The following DLG5 variants were observed in gnomAD, a reference collection of about 807,000 sequenced individuals.
DLG5 encodes the protein disks large homolog 5.
Under a neutral mutation model 189.8 loss-of-function variants are expected in DLG5, and 48 were observed. The observed-to-expected ratio is 0.25, with a 90% CI of 0.20 to 0.32. The LOEUF is 0.32. Ranked by LOEUF, DLG5 falls within the 10% of genes least tolerant of loss-of-function variation. The pLI, the probability that DLG5 is intolerant of heterozygous loss-of-function variation, is 1.00. For missense variants in DLG5, 2,160 were observed against 2,544.7 expected (o/e 0.85, Z 3.25); for synonymous variants, 1,016 against 1,054.1 (o/e 0.96, Z 0.70).
chr10:77,872,586 G>A (rs906818714), intron 1 of DLG5, among the ~76,000 whole-genome samples: 2 of 152,114 alleles, frequency 1.3e-5, no homozygotes, highest in African/African-American at 4.8e-5. Flanking sequence ...AGCCTTGGAC[G>A]TCATTAAGGG....
At chr10:77,864,757 A>C (rs180688491) in intron 2 of DLG5, among the ~76,000 whole-genome samples, 1 of 152,364 alleles carries the variant, frequency 6.6e-6, no homozygotes, top group African/African-American at 2.4e-5. Context: ...CCTTTAAAGA[A>C]ATCCCCCACT....
At position 77,821,322 on chromosome 10, in the gene DLG5, G is replaced by T; in HGVS notation, c.3162C>A (p.Asp1054Glu). ...CGTGCATGGGCTCCCCGGGGTCCAC[G>T]TCAGGGGGCAGGGCGCTCGGGGGAC... ...STSPPSALPP[D>E]VDPGEPMHAS... Residue 1054 changes from aspartate (D) to glutamate (E), a missense_variant, in exon 15 of 32, where the codon GAC (aspartate) becomes GAA (glutamate). Physicochemically the swap from Asp to Glu is conservative, Grantham distance 45 (BLOSUM62 2). Transcript: ENST00000372391. 6.2e-7 allele frequency: 1 copy of T among 1,613,316 alleles called. No homozygotes were observed. The highest frequency in any genetic ancestry group is 8.5e-7 in the Non-Finnish European group (1 of 1,180,034).
chr10:77,856,815 T>C lies in DLG5; in HGVS notation c.451A>G (p.Ile151Val), dbSNP rs1409385024. The C allele has an allele frequency of 2.5e-6, 4 of 1,613,234 alleles. No homozygotes were observed. Among genetic ancestry groups the C allele is most frequent in the African/African-American group, 1.3e-5 (1 of 74,910 alleles). ...TCCCGGGTCATCAGCCGCAGCTGAA[T>C]GGAGAGGTTCTCCACCTTCTCATTC... ...QVNEKVENLS[I>V]QLRLMTRERN... Residue 151 changes from isoleucine (I) to valine (V), a missense_variant, in exon 3 of 32, where the codon ATT becomes GTT. By Grantham distance (29) the Ile-to-Val change is conservative. This residue lies in a region of DLG5 where 664 missense variants were observed against 838.5 expected (regional missense o/e 0.79). Transcript: ENST00000372391.
At chr10:77,894,100 C>A (rs186153427) in intron 1 of DLG5, among the ~76,000 whole-genome samples, 8 of 152,366 alleles carry the variant, frequency 5.3e-5, no homozygotes, top group African/African-American at 1.7e-4. Context: ...CTATCGCCTA[C>A]TCAGAATCTG....
At chr10:77,853,596 C>T (rs1197682403) in intron 4 of DLG5, 59 bp from the exon 5 acceptor site, 10 of 1,430,546 alleles carry the variant, frequency 7.0e-6, no homozygotes, top group Non-Finnish European at 8.4e-6. Context: ...CCCGCCCCAC[C>T]CCAGGGCATC....
At chr10:77,820,956 G>T in intron 15 of DLG5, 126 bp downstream of exon 15, 2 of 1,325,104 alleles carry the variant, frequency 1.5e-6, no homozygotes, top group Non-Finnish European at 2.0e-6. Flanking sequence ...GAGTCCAACA[G>T]CAAAGGCAAA....
chr10:77,892,070 G>A (rs981717645), intron 1 of DLG5, among the ~76,000 whole-genome samples: 10 of 152,150 alleles, frequency 6.6e-5, no homozygotes, highest in East Asian at 1.9e-4. Flanking sequence ...TCGGGAGGAC[G>A]GACACACCCA....
At chr10:77,882,070 C>G (rs1015999521) in intron 1 of DLG5, among the ~76,000 whole-genome samples, 1 of 152,260 alleles carries the variant, frequency 6.6e-6, no homozygotes, top group Non-Finnish European at 1.5e-5. Flanking sequence ...GGCAACTCAG[C>G]CTGGGTCTGT....
At chr10:77,809,838 A>AGCTCCCTGTGGTTCT in intron 23 of DLG5, 108 bp from the exon 24 acceptor site, 1 of 1,326,512 alleles carries the variant, frequency 7.5e-7, no homozygotes, top group Non-Finnish European at 1.0e-6. Flanking sequence ...TTGGGGTCTC[A>AGCTCCCTGTGGTTCT]GAACCACAGG....
intron 1 of DLG5, among the ~76,000 whole-genome samples, chr10:77,897,686 G>A (rs1164005945): frequency 6.7e-6 from 1 of 149,390 alleles, no homozygotes; most frequent in African/African-American, 2.5e-5. Context: ...AAGAGAAGGA[G>A]AGGGGGAGGG....
At chr10:77,922,346 A>C (rs1035637409) in intron 1 of DLG5, among the ~76,000 whole-genome samples, 6 of 152,176 alleles carry the variant, frequency 3.9e-5, no homozygotes, top group Non-Finnish European at 8.8e-5. Flanking sequence ...AAAGGACTGC[A>C]TGGGGCTCCA....
the DLG5 span, among the ~76,000 whole-genome samples, chr10:77,934,074 A>T: frequency 2.1e-4 from 32 of 151,924 alleles, no homozygotes; most frequent in Admixed American, 1.4e-3. Context: ...AAAATAAAAT[A>T]AAAAAGGGCA....
rs1421043527 is a variant in DLG5 at position 77,835,801 on chromosome 10, T to C, written c.1559A>G (p.Lys520Arg). ...CTGGAAGGCCCAGTCCCGCCGGCAC[T>C]TGGCCACATCCGCCTCCTGGAGGGC... Reference protein sequence around the residue: ...KEALQEADVAKCRRDWAFQER... With the variant: ...KEALQEADVARCRRDWAFQER... The change falls in exon 8 of 32, where the codon AAG becomes AGG. Residue 520 changes from lysine (K) to arginine (R), a missense_variant. This residue lies in a region of DLG5 where 664 missense variants were observed against 838.5 expected (regional missense o/e 0.79). Transcript: ENST00000372391. 5 of 1,613,962 alleles carry C rather than the reference T, an allele frequency of 3.1e-6. No individual in the cohort carries two copies. The Admixed American group carries it at 8.3e-5, about 27-fold the overall frequency.
At chr10:77,903,137 C>T (rs1845978210) in intron 1 of DLG5, among the ~76,000 whole-genome samples, 1 of 151,988 alleles carries the variant, frequency 6.6e-6, no homozygotes, top group Non-Finnish European at 1.5e-5. Context: ...TATAAAATCA[C>T]CATTAAGCAG....
rs1248095085 is a variant in DLG5 at position 77,820,001 on chromosome 10, C to A, written c.3420G>T (p.Pro1140=). 6 of 1,613,410 alleles carry A rather than the reference C, an allele frequency of 3.7e-6. No homozygotes were observed. The stretch of plus-strand genomic sequence containing the variant: ...GCTCCGGGGAGAGTTCTCCACTGGC[C>A]GGGACACACTTCTGTTCCTGCAGAT... ...AQFLEEQKCV[P]ASGELSPELQ... Residue 1140 remains proline (P), a synonymous_variant, in exon 16 of 32, where the codon CCG becomes CCT. Transcript: ENST00000372391.
Position 77,898,457 on chromosome 10 carries a change from G to A in DLG5, c.304+27760C>T, listed in dbSNP as rs80161533. 3.1e-3 allele frequency among the ~76,000 whole-genome samples: 479 copies of A among 152,362 alleles called. 2 individuals carry two copies. Among genetic ancestry groups the A allele is most frequent in the African/African-American group, 0.01 (432 of 41,590 alleles). On this transcript the variant is annotated intron_variant, in intron 1 of 31. Transcript: ENST00000372391. ...CCCTGCCAGCCCTCCGGGCACACAGGGAGCAAAAGGAGAGGCAGAGGCACA... is the reference window on the plus strand; with the variant it reads ...CCCTGCCAGCCCTCCGGGCACACAGAGAGCAAAAGGAGAGGCAGAGGCACA...
chr10:77,870,216 G>A (rs904776277), intron 1 of DLG5, among the ~76,000 whole-genome samples: 2 of 152,204 alleles, frequency 1.3e-5, no homozygotes, highest in Non-Finnish European at 2.9e-5. Flanking sequence ...TTTGTTCTTG[G>A]AGCCAAAAGA....
intron 13 of DLG5, 23 bp downstream of exon 13, chr10:77,828,859 C>A (rs1033327678): frequency 6.3e-7 from 1 of 1,597,172 alleles, no homozygotes; most frequent in African/African-American, 1.4e-5. Context: ...GCAGATGACC[C>A]TGGCTCCAGC....
At chr10:77,843,303 TCAG>T in intron 6 of DLG5, 141 bp downstream of exon 6, 2 of 990,204 alleles carry the variant, frequency 2.0e-6, no homozygotes, top group Non-Finnish European at 3.0e-6. Context: ...CAAGACACAT[TCAG>T]TGTCAAAAAA....
Sources: allele counts gnomAD v4.1 joint callset (sites outside exome capture counted in the v4.1 genomes callset), GRCh38; gene constraint gnomAD v4.1.1; regional missense constraint gnomAD v4.1.1; transcripts MANE v1.5; gene names NCBI Gene and HGNC (gene_info 2026-07-23, HGNC 2026-07-21).